The following DCUN1D3 variants were observed in gnomAD, a reference collection of about 807,000 sequenced individuals.
DCUN1D3 encodes defective in cullin neddylation 1 domain containing 3.
DCUN1D3 carries 6 observed loss-of-function variants against 24.8 expected under a neutral mutation model. That is an observed-to-expected ratio of 0.24 (90% CI 0.13 to 0.48). DCUN1D3 has a LOEUF of 0.48. Ranked by LOEUF, DCUN1D3 falls within the 20% of genes least tolerant of loss-of-function variation. The pLI is 0.99. For synonymous variants in DCUN1D3, 120 were observed against 144.9 expected, an observed-to-expected ratio of 0.83 and a Z score of 1.24; for missense variants, 258 against 379.4, an observed-to-expected ratio of 0.68 and a Z score of 2.66.
chr16:20,858,551 T>C lies in DCUN1D3; in HGVS notation c.*1335A>G, dbSNP rs1166477590. The C allele has an allele frequency of 6.8e-6, 1 of 146,234 alleles. No individual in the cohort carries two copies. Among genetic ancestry groups the C allele is most frequent in the South Asian group, 2.1e-4 (1 of 4,724 alleles). The allele number at this position is 146,234 out of a possible 1,614,324, so 9.1% of individuals were successfully genotyped here. ...ATATATATATTTTATATAGGTAAAA[T>C]ATATACATATTTTATATATGTATAT... On this transcript the variant is annotated 3_prime_UTR_variant, in exon 3 of 3. Coordinates refer to ENST00000324344, the MANE Select transcript of DCUN1D3 (RefSeq NM_173475.4).
intron 1 of DCUN1D3, among the ~76,000 whole-genome samples, chr16:20,887,205 G>T (rs909185505): frequency 1.3e-5 from 2 of 152,128 alleles, no homozygotes; most frequent in Non-Finnish European, 2.9e-5. Context: ...GGGAGGCTGA[G>T]GCAGGAGAAT....
chr16:20,872,188 C>T (rs1198055715), intron 1 of DCUN1D3, among the ~76,000 whole-genome samples: 2 of 152,194 alleles, frequency 1.3e-5, no homozygotes, highest in Non-Finnish European at 2.9e-5. Context: ...ATTTTTCAAT[C>T]ACCTTCTGAG....
chr16:20,877,659 TCA>T (rs2081822769), intron 1 of DCUN1D3, among the ~76,000 whole-genome samples: 1 of 152,208 alleles, frequency 6.6e-6, no homozygotes. Flanking sequence ...TAGCACTTTC[TCA>T]CACACAATTA....
At chr16:20,884,070 T>C (rs184295715) in intron 1 of DCUN1D3, among the ~76,000 whole-genome samples, 5 of 152,312 alleles carry the variant, frequency 3.3e-5, no homozygotes, top group Non-Finnish European at 7.4e-5. Context: ...CATGTAAGAA[T>C]GGCTTGTAAA....
At position 20,859,755 on chromosome 16, in the gene DCUN1D3, T is replaced by C; in HGVS notation, c.*131A>G. Reference sequence around the variant, plus strand: ...CATGATACAGCATTTTAGAGCCCTTTCAGATACAAGGCAGAGAAAGGTGTA... The same window carrying C: ...CATGATACAGCATTTTAGAGCCCTTCCAGATACAAGGCAGAGAAAGGTGTA... On this transcript the variant is annotated 3_prime_UTR_variant, in exon 3 of 3. Transcript: ENST00000324344. 1 of 1,268,244 alleles carries C rather than the reference T, an allele frequency of 7.9e-7. No individual in the cohort carries two copies. The highest frequency in any genetic ancestry group is 1.1e-6 in the Non-Finnish European group (1 of 945,328). 78.6% of individuals were successfully genotyped at this position (1,268,244 alleles called of 1,614,324 possible). A position where few individuals can be genotyped will look rare whatever the true frequency, so the allele number is the denominator to read the frequency against.
At position 20,855,023 on chromosome 16, in the gene DCUN1D3, A is replaced by G. The variant is rs536730092; in HGVS notation, c.*4863T>C. ...GACATCAAAGACAAAAATGTGTGTAACAAGTCAATAAAAATACTCAAGGGG... is the reference window on the plus strand; with the variant it reads ...GACATCAAAGACAAAAATGTGTGTAGCAAGTCAATAAAAATACTCAAGGGG... On this transcript the variant is annotated 3_prime_UTR_variant, in exon 3 of 3. Transcript: ENST00000324344. 6.5e-6 allele frequency: 1 copy of G among 152,786 alleles called. No individual in the cohort carries two copies. The highest frequency in any genetic ancestry group is 6.5e-5 in the Admixed American group (1 of 15,302). The allele number at this position is 152,786 out of a possible 1,614,324, so 9.5% of individuals were successfully genotyped here.
Position 20,860,307 on chromosome 16 carries a change from C to T in DCUN1D3, c.494G>A (p.Arg165Gln), listed in dbSNP as rs143835944. The T allele has an allele frequency of 3.7e-6, 6 of 1,614,008 alleles. No homozygotes were observed. Among genetic ancestry groups the T allele is most frequent in the African/African-American group, 1.3e-5 (1 of 74,904 alleles). ...SADSIDGICA[R>Q]FPSLLTEAKQ... is the part of the protein sequence containing the mutation. ...GGCTTCTGTTAAGAGGCTAGGGAAC[C>T]GTGCACAGATTCCGTCAATGCTGTC... Residue 165 changes from arginine (R) to glutamine (Q), a missense_variant, in exon 3 of 3, where the codon CGG becomes CAG. Physicochemically the swap from Arg to Gln is conservative, Grantham distance 43. Coordinates refer to ENST00000324344, the MANE Select transcript of DCUN1D3 (RefSeq NM_173475.4). This position sits in a 1 kb window ranked among gnomAD's most constrained non-coding sequence, Gnocchi z 4.3.
chr16:20,873,538 G>C (rs2081800030), intron 1 of DCUN1D3, among the ~76,000 whole-genome samples: 1 of 152,244 alleles, frequency 6.6e-6, no homozygotes, highest in Non-Finnish European at 1.5e-5. Context: ...TCAAGCTGCA[G>C]ACTGGGTCAA....
intron 1 of DCUN1D3, among the ~76,000 whole-genome samples, chr16:20,877,971 A>G (rs2081824412): frequency 6.6e-6 from 1 of 151,982 alleles, no homozygotes; most frequent in Non-Finnish European, 1.5e-5. Context: ...TACTTTTTTC[A>G]TTTTTATTTT....
Position 20,860,428 on chromosome 16 carries a change from A to G in DCUN1D3, c.432-59T>C. 4.0e-6 allele frequency: 6 copies of G among 1,514,886 alleles called. No homozygotes were observed. Among genetic ancestry groups the G allele is most frequent in the Non-Finnish European group, 5.3e-6 (6 of 1,131,136 alleles). 93.8% of individuals were successfully genotyped at this position (1,514,886 alleles called of 1,614,324 possible). A position where few individuals can be genotyped will look rare whatever the true frequency, so the allele number is the denominator to read the frequency against. On this transcript the variant is annotated intron_variant, in intron 2 of 2. Transcript: ENST00000324344. This position sits in a 1 kb window ranked among gnomAD's most constrained non-coding sequence, Gnocchi z 4.3. ...ATAAACTATACTATTTACAGGCAAT[A>G]TACATAGTGATTAAGAGCAAGGCTT...
At chr16:20,884,909 C>CTTATTT (rs2081861360) in intron 1 of DCUN1D3, among the ~76,000 whole-genome samples, 1 of 151,790 alleles carries the variant, frequency 6.6e-6, no homozygotes, top group Non-Finnish European at 1.5e-5. Context: ...AGTAAGACCC[C>CTTATTT]ATCTCAAAAT....
chr16:20,873,153 A>G (rs970182343), intron 1 of DCUN1D3, among the ~76,000 whole-genome samples: 19 of 152,072 alleles, frequency 1.2e-4, no homozygotes, highest in African/African-American at 4.6e-4. Context: ...AACCAATCCA[A>G]TGATCCAGTG....
chr16:20,888,885 G>A (rs1487157996), intron 1 of DCUN1D3, among the ~76,000 whole-genome samples: 1 of 152,088 alleles, frequency 6.6e-6, no homozygotes, highest in African/African-American at 2.4e-5. Context: ...TCAGGAGTTC[G>A]AGACCAGCCT....
At chr16:20,898,288 C>G (rs2081927972) in intron 1 of DCUN1D3, among the ~76,000 whole-genome samples, 1 of 152,210 alleles carries the variant, frequency 6.6e-6, no homozygotes, top group Admixed American at 6.5e-5. Context: ...AAGACACTTT[C>G]AATCACATCA....
At chr16:20,878,525 C>G (rs1393983878) in intron 1 of DCUN1D3, among the ~76,000 whole-genome samples, 1 of 152,230 alleles carries the variant, frequency 6.6e-6, no homozygotes. Context: ...TGGGAACACT[C>G]CAGTGAAAAG....
intron 1 of DCUN1D3, among the ~76,000 whole-genome samples, chr16:20,898,563 T>G (rs776442536): frequency 6.6e-6 from 1 of 152,240 alleles, no homozygotes; most frequent in Non-Finnish European, 1.5e-5. Context: ...GTCATTCTTC[T>G]GTTGTATTTT....
chr16:20,887,015 A>T (rs1021720121), intron 1 of DCUN1D3, among the ~76,000 whole-genome samples: 1 of 152,190 alleles, frequency 6.6e-6, no homozygotes, highest in African/African-American at 2.4e-5. Context: ...CATACACATT[A>T]AAAAACAGAA....
rs1381471656 is a variant in DCUN1D3 at position 20,866,687 on chromosome 16, G to A, written c.-105-4044C>T. On this transcript the variant is annotated intron_variant, in intron 1 of 2. Transcript: ENST00000324344. Reference sequence around the variant, plus strand: ...GAGAAGAAAATTAGTTTCAACAGATGATCAATCAGCAAATGCCAGAAGGTT... The same window carrying A: ...GAGAAGAAAATTAGTTTCAACAGATAATCAATCAGCAAATGCCAGAAGGTT... Among the ~76,000 whole-genome samples the A allele has an allele frequency of 3.3e-5, 5 of 152,348 alleles. No homozygotes were observed. In the East Asian group the frequency reaches 9.6e-4, roughly 29 times the overall value.
At chr16:20,888,723 T>C (rs1320841961) in intron 1 of DCUN1D3, among the ~76,000 whole-genome samples, 1 of 152,190 alleles carries the variant, frequency 6.6e-6, no homozygotes, top group East Asian at 1.9e-4. Context: ...CTTAAAATGC[T>C]AGGACTACAG....
Sources: allele counts gnomAD v4.1 joint callset (sites outside exome capture counted in the v4.1 genomes callset), GRCh38; gene constraint gnomAD v4.1.1; non-coding constraint Gnocchi (gnomAD v3.1); transcripts MANE v1.5; gene names NCBI Gene and HGNC (gene_info 2026-07-23, HGNC 2026-07-21).